The following SLC35F4 variants were observed in gnomAD, a reference collection of about 807,000 sequenced individuals.
SLC35F4 encodes solute carrier family 35 member F4, also known as chromosome 14 open reading frame 36.
A neutral mutation model predicts 44.2 loss-of-function variants in SLC35F4; 24 were observed. The ratio of observed to expected loss-of-function variants is 0.54; its 90% confidence interval spans 0.39 to 0.76. SLC35F4 has a LOEUF of 0.76. SLC35F4 is among the 30% of genes least tolerant of loss of function. SLC35F4 has a pLI of 0.00. For missense variants in SLC35F4, 562 were observed against 586.1 expected (o/e 0.96, Z 0.42); for synonymous variants, 238 against 223.6 (o/e 1.06, Z -0.57).
chr14:57,961,113 C>T lies in SLC35F4; in HGVS notation n.282+20800G>A, dbSNP rs576937978. On this transcript the variant is annotated intron_variant and non_coding_transcript_variant, in intron 1 of 1. Transcript: ENST00000556568. ...GCTGCTTCAGCCTCCCATGCTGCGACGGAGAGACGTGATTTTCAGGCTGCT... is the reference window on the plus strand; with the variant it reads ...GCTGCTTCAGCCTCCCATGCTGCGATGGAGAGACGTGATTTTCAGGCTGCT... Among the ~76,000 whole-genome samples the T allele has an allele frequency of 1.8e-3, 272 of 152,196 alleles. 2 individuals are homozygous for T. The highest frequency in any genetic ancestry group is 0.01 in the Middle Eastern group (3 of 294).
At chr14:57,618,501 C>G (rs1566690875) in intron 1 of SLC35F4, among the ~76,000 whole-genome samples, 3 of 152,188 alleles carry the variant, frequency 2.0e-5, no homozygotes, top group Admixed American at 6.5e-5. Context: ...ACGGTGCACT[C>G]TGGCCCAGAT....
chr14:57,837,469 C>T (rs372232819), intron 1 of SLC35F4: 10 of 152,172 alleles, frequency 6.6e-5, no homozygotes, highest in African/African-American at 2.2e-4. Context: ...CATACAGACT[C>T]GCATGCCTTT....
intron 1 of SLC35F4, among the ~76,000 whole-genome samples, chr14:57,751,444 T>A (rs966031456): frequency 6.6e-6 from 1 of 152,204 alleles, no homozygotes; most frequent in Non-Finnish European, 1.5e-5. Flanking sequence ...GCTTTTTTCC[T>A]TTTGTTACTG....
chr14:57,739,954 G>A (rs949014285), intron 1 of SLC35F4, among the ~76,000 whole-genome samples: 6 of 152,082 alleles, frequency 3.9e-5, no homozygotes, highest in African/African-American at 9.7e-5. Context: ...CTGCCTGCGG[G>A]GTTCAAGCAA....
chr14:57,876,035 G>A (rs1345871112), intron 1 of SLC35F4, among the ~76,000 whole-genome samples: 1 of 152,142 alleles, frequency 6.6e-6, no homozygotes, highest in African/African-American at 2.4e-5. Context: ...GGCATTAAAA[G>A]GTTACCTGCA....
chr14:57,953,954 C>T (rs1890189460), intron 1 of SLC35F4, among the ~76,000 whole-genome samples: 1 of 152,172 alleles, frequency 6.6e-6, no homozygotes, highest in Non-Finnish European at 1.5e-5. Context: ...AACTCTCCAT[C>T]CCAAATCAAC....
At chr14:57,669,197 C>T (rs1195524449) in intron 1 of SLC35F4, among the ~76,000 whole-genome samples, 1 of 151,978 alleles carries the variant, frequency 6.6e-6, no homozygotes, top group Non-Finnish European at 1.5e-5. Flanking sequence ...TGAGACTTTG[C>T]TGAAGTTGCT....
At chr14:57,696,569 T>C (rs558983169) in intron 1 of SLC35F4, among the ~76,000 whole-genome samples, 18 of 152,234 alleles carry the variant, frequency 1.2e-4, no homozygotes, top group Non-Finnish European at 1.8e-4. Flanking sequence ...TTACTGGGCA[T>C]ATACCCAAAG....
At chr14:57,880,628 A>G (rs77869695) in intron 1 of SLC35F4, among the ~76,000 whole-genome samples, 10,384 of 152,144 alleles carry the variant, frequency 0.068, 437 homozygotes, top group Middle Eastern at 0.14. Context: ...CATTTGGGCA[A>G]TGACACTAAT....
intron 1 of SLC35F4, among the ~76,000 whole-genome samples, chr14:57,895,514 GATGAGTTCTC>G (rs1340058855): frequency 6.6e-6 from 1 of 151,920 alleles, no homozygotes; most frequent in Non-Finnish European, 1.5e-5. Flanking sequence ...CTTGATAGTG[GATGAGTTCTC>G]ATGAGATCTG....
intron 1 of SLC35F4, among the ~76,000 whole-genome samples, chr14:57,736,018 C>A (rs1332862915): frequency 6.6e-6 from 1 of 152,150 alleles, no homozygotes; most frequent in African/African-American, 2.4e-5. Context: ...CCTGGCTAGA[C>A]TCCACCTCTT....
At chr14:57,676,072 A>C (rs2140287652) in intron 1 of SLC35F4, among the ~76,000 whole-genome samples, 1 of 152,230 alleles carries the variant, frequency 6.6e-6, no homozygotes, top group South Asian at 2.1e-4. Context: ...TGCATCTGAC[A>C]AAGGACTACT....
At chr14:57,587,073 T>C (rs2069803228) in intron 3 of SLC35F4, among the ~76,000 whole-genome samples, 1 of 152,122 alleles carries the variant, frequency 6.6e-6, no homozygotes. Flanking sequence ...CACGGTAACA[T>C]ACCATCTCAG....
rs544876948 is a variant in SLC35F4, at chr14:57,772,463, A to G, written c.103+93260T>C. 2.2e-3 allele frequency among the ~76,000 whole-genome samples: 336 copies of G among 152,088 alleles called. 1 individual carries two copies. The highest frequency in any genetic ancestry group is 7.4e-3 in the African/African-American group (306 of 41,466). On this transcript the variant is annotated intron_variant, in intron 1 of 7. Transcript: ENST00000556826. Reference sequence around the variant, plus strand: ...CTGGTGGGGATTGGGCTTCTAGTGTATTTACTACCCAAATAGTGAACATTG... The same window carrying G: ...CTGGTGGGGATTGGGCTTCTAGTGTGTTTACTACCCAAATAGTGAACATTG...
chr14:57,726,044 A>C (rs908464640), intron 1 of SLC35F4, among the ~76,000 whole-genome samples: 2 of 152,152 alleles, frequency 1.3e-5, no homozygotes, highest in Non-Finnish European at 2.9e-5. Flanking sequence ...GGATCCTCTT[A>C]CCTTTAAGTC....
intron 1 of SLC35F4, among the ~76,000 whole-genome samples, chr14:57,807,953 G>T (rs1881533441): frequency 6.6e-6 from 1 of 151,750 alleles, no homozygotes; most frequent in Admixed American, 6.5e-5. Context: ...GCAGGCAAGA[G>T]AACGTGTGCA....
intron 3 of SLC35F4, among the ~76,000 whole-genome samples, chr14:57,583,345 T>C (rs184440587): frequency 1.6e-5 from 2 of 125,120 alleles, no homozygotes; most frequent in African/African-American, 6.3e-5. Context: ...CGTGGGTTTA[T>C]CCCATCATTT....
At chr14:57,919,284 A>G (rs2141056635) in intron 1 of SLC35F4, among the ~76,000 whole-genome samples, 1 of 152,330 alleles carries the variant, frequency 6.6e-6, no homozygotes, top group Admixed American at 6.5e-5. Flanking sequence ...AGCCCTAACT[A>G]ATACAGGATT....
chr14:57,737,931 G>C (rs62003375), intron 1 of SLC35F4, among the ~76,000 whole-genome samples: 4,934 of 152,266 alleles, frequency 0.032, 117 homozygotes, highest in South Asian at 0.053. Context: ...AAGTAGGGAA[G>C]ATTCAGCAAG....
Sources: allele counts gnomAD v4.1 joint callset (sites outside exome capture counted in the v4.1 genomes callset), GRCh38; gene constraint gnomAD v4.1.1; transcripts MANE v1.5; gene names NCBI Gene and HGNC (gene_info 2026-07-23, HGNC 2026-07-21).